Variants in PCSK5 observed in about 807,000 individuals in gnomAD.
The protein encoded by PCSK5 is prohormone convertase 5.
A neutral mutation model predicts 233.2 loss-of-function variants in PCSK5; 129 were observed. That is an observed-to-expected ratio of 0.55 (90% CI 0.48 to 0.64). The LOEUF is 0.64. Ranked by LOEUF, PCSK5 falls within the 30% of genes least tolerant of loss-of-function variation. PCSK5 has a pLI of 0.00. For missense variants in PCSK5, 2,076 were observed against 2,430.1 expected (o/e 0.85, Z 3.06); for synonymous variants, 825 against 879.2 (o/e 0.94, Z 1.09).
chr9:76,330,168 A>C (rs760605125), intron 33 of PCSK5, among the ~76,000 whole-genome samples: 6 of 152,166 alleles, frequency 3.9e-5, no homozygotes, highest in Non-Finnish European at 2.9e-5. Context: ...AGCATGGTTG[A>C]TTAAGAAATC....
chr9:76,093,658 A>C (rs1831391973), intron 7 of PCSK5, among the ~76,000 whole-genome samples: 3 of 151,696 alleles, frequency 2.0e-5, no homozygotes, highest in Admixed American at 6.6e-5. Flanking sequence ...ATCATCTGTG[A>C]TGGTGCTGTT....
At chr9:76,356,961 C>T (rs770110881) in intron 37 of PCSK5, among the ~76,000 whole-genome samples, 1 of 152,192 alleles carries the variant, frequency 6.6e-6, no homozygotes, top group Non-Finnish European at 1.5e-5. Flanking sequence ...TCAGCTTGTA[C>T]ATCCAACATG....
intron 7 of PCSK5, among the ~76,000 whole-genome samples, chr9:76,079,625 G>A (rs1830764220): frequency 1.3e-5 from 2 of 152,188 alleles, no homozygotes; most frequent in Non-Finnish European, 1.5e-5. Flanking sequence ...GAAATAGTTT[G>A]ACTTCTTTTC....
chr9:75,953,676 G>A lies in PCSK5; in HGVS notation c.297+21193G>A, dbSNP rs138436290. 1.1e-4 allele frequency among the ~76,000 whole-genome samples: 17 copies of A among 152,090 alleles called. No individual in the cohort carries two copies. The East Asian group carries it at 2.5e-3, about 22-fold the overall frequency. ...TGTGTGTGTGTGTGTGTTTACATGT[G>A]CAGATTTACAGTAGAGTTAGAGACA... On this transcript the variant is annotated intron_variant, in intron 2 of 37. Coordinates refer to ENST00000674117, the MANE Select transcript of PCSK5 (RefSeq NM_001372043.1).
intron 25 of PCSK5, among the ~76,000 whole-genome samples, chr9:76,293,954 T>C (rs1172403742): frequency 1.3e-5 from 2 of 152,362 alleles, no homozygotes; most frequent in South Asian, 2.1e-4. Context: ...CCCAACACTT[T>C]GGGAGGCCAA....
At position 76,097,194 on chromosome 9, in the gene PCSK5, A is replaced by G. The variant is rs1449800120; in HGVS notation, c.1107+1092A>G. ...GTGATCTGCCTGCCTCGGCCTCCCA[A>G]AGTGCTGGGATTACAGGTGTAAGGC... On this transcript the variant is annotated intron_variant, in intron 8 of 37. Transcript: ENST00000674117. Among the ~76,000 whole-genome samples, 4 of 149,204 alleles carry G rather than the reference A, an allele frequency of 2.7e-5. No homozygotes were observed. The East Asian group carries it at 8.0e-4, about 30-fold the overall frequency.
At chr9:76,233,662 T>A in intron 22 of PCSK5, 66 bp downstream of exon 22, 1 of 1,473,918 alleles carries the variant, frequency 6.8e-7, no homozygotes, top group Non-Finnish European at 9.3e-7. Context: ...GGCCATCATT[T>A]GGTTTGACCC....
At chr9:76,081,634 CATTT>C (rs143743271) in intron 7 of PCSK5, among the ~76,000 whole-genome samples, 2,070 of 152,190 alleles carry the variant, frequency 0.014, 36 homozygotes, top group South Asian at 0.048. Context: ...AATTTAACTT[CATTT>C]TAAAATTTGC....
At chr9:76,313,095 T>G (rs1181308056) in intron 30 of PCSK5, among the ~76,000 whole-genome samples, 1 of 152,204 alleles carries the variant, frequency 6.6e-6, no homozygotes, top group Non-Finnish European at 1.5e-5. Flanking sequence ...CTTATCCACT[T>G]ACTATTATTT....
intron 24 of PCSK5, among the ~76,000 whole-genome samples, chr9:76,247,870 C>T (rs185768937): frequency 5.5e-4 from 83 of 151,986 alleles, no homozygotes; most frequent in African/African-American, 1.8e-3. Flanking sequence ...CTGCAACCTC[C>T]GCCTCCCAGG....
At chr9:76,137,310 T>A (rs1823027682) in intron 10 of PCSK5, among the ~76,000 whole-genome samples, 1 of 152,114 alleles carries the variant, frequency 6.6e-6, no homozygotes, top group African/African-American at 2.4e-5. Context: ...TTCTCCTTTT[T>A]CTGTGCCCTC....
chr9:75,944,786 G>C (rs1235451326), intron 2 of PCSK5, among the ~76,000 whole-genome samples: 4 of 152,040 alleles, frequency 2.6e-5, no homozygotes, highest in Non-Finnish European at 4.4e-5. Context: ...TCCCCAACTA[G>C]ATGTTTAATA....
intron 25 of PCSK5, among the ~76,000 whole-genome samples, chr9:76,293,014 C>T (rs1828324999): frequency 6.6e-6 from 1 of 152,182 alleles, no homozygotes; most frequent in South Asian, 2.1e-4. Context: ...GTCAGAGACA[C>T]AGGAGGATGT....
intron 2 of PCSK5, among the ~76,000 whole-genome samples, chr9:75,955,956 T>C (rs1825077047): frequency 6.6e-6 from 1 of 152,158 alleles, no homozygotes; most frequent in Admixed American, 6.6e-5. Flanking sequence ...AGTCTCCCTA[T>C]GGTACAAATG....
At chr9:76,216,773 TAAGGGGTCCCTG>T (rs1222376684) in intron 20 of PCSK5, among the ~76,000 whole-genome samples, 2 of 152,226 alleles carry the variant, frequency 1.3e-5, no homozygotes, top group African/African-American at 4.8e-5. Flanking sequence ...TCTGTTTTCT[TAAGGGGTCCCTG>T]AAGAGTTGTG....
intron 3 of PCSK5, among the ~76,000 whole-genome samples, chr9:76,020,554 G>A (rs781195207): frequency 4.6e-5 from 7 of 152,110 alleles, no homozygotes; most frequent in Non-Finnish European, 8.8e-5. Flanking sequence ...TAGATTATCC[G>A]TATGAAAGCA....
chr9:76,136,043 G>A (rs957659018), intron 10 of PCSK5, among the ~76,000 whole-genome samples: 9 of 152,090 alleles, frequency 5.9e-5, no homozygotes, highest in South Asian at 4.1e-4. Context: ...ACTATTGCAC[G>A]TGGCAATATT....
At chr9:75,954,163 CGT>C (rs1370708880) in intron 2 of PCSK5, among the ~76,000 whole-genome samples, 1 of 152,172 alleles carries the variant, frequency 6.6e-6, no homozygotes, top group African/African-American at 2.4e-5. Context: ...CTGGACATTT[CGT>C]TTGTAGAAAC....
In PCSK5 at chr9:76,005,869, G is replaced by A. The variant is rs1475067050; in HGVS notation, c.412-17869G>A. Among the ~76,000 whole-genome samples the A allele has an allele frequency of 2.0e-5, 3 of 151,992 alleles. 1 individual carries two copies. The highest frequency in any genetic ancestry group is 4.2e-4 in the South Asian group (2 of 4,804). On this transcript the variant is annotated intron_variant, in intron 3 of 37. Transcript: ENST00000674117. The stretch of plus-strand genomic sequence containing the variant: ...TTTGAAATTTTTCTTTTTAAGAGAC[G>A]GGGTCTTGCTTTGTCACTCAGGCTG...
Sources: gnomAD v4.1 joint callset for allele counts (sites outside exome capture counted in the v4.1 genomes callset) on GRCh38, gnomAD v4.1.1 for gene constraint, MANE v1.5 for transcripts, NCBI Gene and HGNC (gene_info 2026-07-23, HGNC 2026-07-21) for gene names.